LSAMP: variants seen among roughly 807,000 people sequenced by gnomAD.
The protein encoded by LSAMP is limbic system associated membrane protein, also known as limbic system-associated membrane protein.
LSAMP carries 7 observed loss-of-function variants against 38.6 expected under a neutral mutation model. The ratio of observed to expected loss-of-function variants is 0.18; its 90% CI spans 0.10 to 0.34. The LOEUF (loss-of-function observed/expected upper bound fraction) is 0.34, where lower values mean the gene tolerates loss of function less well. Among genes scored for constraint, LSAMP ranks in the 10% least tolerant of loss-of-function variants. LSAMP has a pLI of 1.00. For missense variants in LSAMP, 313 were observed against 420.0 expected, an observed-to-expected ratio of 0.75 and a Z score of 2.23; for synonymous variants, 154 against 166.8, an observed-to-expected ratio of 0.92 and a Z score of 0.59.
intron 3 of LSAMP, among the ~76,000 whole-genome samples, chr3:116,007,663 A>AACACACAC (rs71616337): frequency 1.3e-5 from 2 of 150,764 alleles, no homozygotes; most frequent in African/African-American, 4.9e-5. Flanking sequence ...TATTTTTATA[A>AACACACAC]ACACACACAC....
intron 1 of LSAMP, among the ~76,000 whole-genome samples, chr3:116,242,056 T>G (rs2046543591): frequency 6.6e-6 from 1 of 152,236 alleles, no homozygotes; most frequent in Admixed American, 6.5e-5. Flanking sequence ...CTCTCTCAAG[T>G]ATTCCGACTG....
chr3:116,034,473 T>C (rs1207467935), intron 2 of LSAMP, among the ~76,000 whole-genome samples: 1 of 151,802 alleles, frequency 6.6e-6, no homozygotes, highest in South Asian at 2.1e-4. Context: ...CCAGAGACTT[T>C]GGACATAGGG....
intron 1 of LSAMP, among the ~76,000 whole-genome samples, chr3:116,218,922 C>A (rs1347819660): frequency 3.3e-5 from 5 of 152,170 alleles, no homozygotes; most frequent in African/African-American, 1.2e-4. Context: ...AACCCAAGTA[C>A]AAAAGAACCA....
At chr3:116,085,116 C>T (rs1707959072) in intron 2 of LSAMP, among the ~76,000 whole-genome samples, 1 of 152,114 alleles carries the variant, frequency 6.6e-6, no homozygotes, top group African/African-American at 2.4e-5. Flanking sequence ...TGTAATGGAG[C>T]TTAAGTACGC....
At chr3:116,159,255 T>C (rs1559764038) in intron 1 of LSAMP, among the ~76,000 whole-genome samples, 1 of 152,028 alleles carries the variant, frequency 6.6e-6, no homozygotes, top group East Asian at 1.9e-4. Context: ...AATTGACAAA[T>C]GGGACCTAAT....
chr3:116,226,070 T>A (rs2046338755), intron 1 of LSAMP, among the ~76,000 whole-genome samples: 1 of 152,206 alleles, frequency 6.6e-6, no homozygotes, highest in South Asian at 2.1e-4. Context: ...AAATTAGTGA[T>A]GTAACTAATG....
chr3:116,270,837 A>T (rs1196873273), intron 1 of LSAMP, among the ~76,000 whole-genome samples: 1 of 152,140 alleles, frequency 6.6e-6, no homozygotes, highest in African/African-American at 2.4e-5. Flanking sequence ...AATTATATAC[A>T]ATAAGCAGTA....
Position 116,201,114 on chromosome 3 carries a change from C to T in LSAMP, c.156-114558G>A, listed in dbSNP as rs999673554. ...GGATGGGTGGGTTAGCTGTTTGATC[C>T]GCTCCCAGTCCCTCCCCGCTGTACC... is the stretch of plus-strand genomic sequence containing the variant. On this transcript the variant is annotated intron_variant, in intron 1 of 6. Coordinates refer to ENST00000490035, the MANE Select transcript of LSAMP (RefSeq NM_002338.5). Among the ~76,000 whole-genome samples the T allele has an allele frequency of 2.0e-5, 3 of 152,210 alleles. No homozygotes were observed. In the East Asian group the frequency reaches 5.8e-4, roughly 29 times the overall value.
chr3:116,445,412 T>G lies in LSAMP; in HGVS notation c.-381A>C. 1.4e-4 allele frequency: 47 copies of G among 345,496 alleles called. No individual in the cohort carries two copies. Among genetic ancestry groups the G allele is most frequent in the East Asian group, 2.4e-4 (5 of 20,776 alleles). The allele number at this position is 345,496 out of a possible 1,614,324, so 21.4% of individuals were successfully genotyped here. Reference sequence around the variant, plus strand: ...AGCTCCTTCGCTCTGTAACCCACTTTCCCAGGCTGGCGGGCGGGCGGGCGA... The same window carrying G: ...AGCTCCTTCGCTCTGTAACCCACTTGCCCAGGCTGGCGGGCGGGCGGGCGA... On this transcript the variant is annotated 5_prime_UTR_variant, in exon 1 of 7. Coordinates refer to ENST00000490035, the MANE Select transcript of LSAMP (RefSeq NM_002338.5).
chr3:116,173,222 A>G (rs899802856), intron 1 of LSAMP, among the ~76,000 whole-genome samples: 1 of 152,030 alleles, frequency 6.6e-6, no homozygotes, highest in African/African-American at 2.4e-5. Flanking sequence ...AAGTGACAAA[A>G]AAGGAGGCAG....
intron 1 of LSAMP, among the ~76,000 whole-genome samples, chr3:116,263,654 C>CCAA (rs2046858285): frequency 7.4e-6 from 1 of 135,080 alleles, no homozygotes; most frequent in African/African-American, 2.8e-5. Context: ...CAAAATTAAA[C>CCAA]CAACTTTTAT....
chr3:116,416,644 G>A (rs574939210), intron 1 of LSAMP, among the ~76,000 whole-genome samples: 54 of 152,176 alleles, frequency 3.5e-4, no homozygotes, highest in African/African-American at 1.3e-3. Context: ...TTCAAGGCCA[G>A]GACAAACCTA....
intron 1 of LSAMP, among the ~76,000 whole-genome samples, chr3:116,367,554 G>A (rs2048370836): frequency 6.7e-6 from 1 of 149,086 alleles, no homozygotes; most frequent in Non-Finnish European, 1.5e-5. Context: ...GCCCAGGCTG[G>A]AGTGCAGTGG....
At chr3:116,198,779 A>AAAAAAAAAAAC (rs1168876381) in intron 1 of LSAMP, among the ~76,000 whole-genome samples, 1 of 147,810 alleles carries the variant, frequency 6.8e-6, no homozygotes, top group East Asian at 2.0e-4. Context: ...TCAGAAAAAA[A>AAAAAAAAAAAC]AAGAAAATCA....
intron 1 of LSAMP, among the ~76,000 whole-genome samples, chr3:116,173,761 TAGAAGA>T (rs781743722): frequency 6.9e-6 from 1 of 144,826 alleles, no homozygotes; most frequent in Non-Finnish European, 1.5e-5. Context: ...ATAGAAGAAA[TAGAAGA>T]AGAGGGGAAA....
chr3:116,225,755 T>G (rs904062725), intron 1 of LSAMP, among the ~76,000 whole-genome samples: 2 of 87,662 alleles, frequency 2.3e-5, no homozygotes, highest in Non-Finnish European at 5.3e-5. Context: ...ATATTATTGT[T>G]TTTTTTTTTT....
chr3:116,105,388 A>G (rs1194444885), intron 1 of LSAMP, among the ~76,000 whole-genome samples: 1 of 152,154 alleles, frequency 6.6e-6, no homozygotes, highest in Non-Finnish European at 1.5e-5. Flanking sequence ...AAGACCACCA[A>G]ACAGGCTTTG....
In LSAMP at chr3:115,804,739, G is replaced by T. The variant is rs998540558; in HGVS notation, c.*5578C>A. On this transcript the variant is annotated 3_prime_UTR_variant, in exon 7 of 7. Transcript: ENST00000490035. ...TAACAGTTGTTCATATTGTAGGAAT[G>T]ATATATATGTCATCCTGTTACACGT... 4 of 152,068 alleles carry T rather than the reference G, an allele frequency of 2.6e-5. No individual in the cohort carries two copies. Among genetic ancestry groups the T allele is most frequent in the Non-Finnish European group, 5.9e-5 (4 of 68,012 alleles). 9.4% of individuals were successfully genotyped at this position (152,068 alleles called of 1,614,324 possible). A position where few individuals can be genotyped will look rare whatever the true frequency, so the allele number is the denominator to read the frequency against.
intron 1 of LSAMP, among the ~76,000 whole-genome samples, chr3:116,243,362 C>A (rs1409785326): frequency 6.6e-6 from 1 of 152,140 alleles, no homozygotes; most frequent in Non-Finnish European, 1.5e-5. Flanking sequence ...AAACTCCTGC[C>A]AGGAAGAGAG....
Sources: allele counts gnomAD v4.1 joint callset (sites outside exome capture counted in the v4.1 genomes callset), GRCh38; gene constraint gnomAD v4.1.1; transcripts MANE v1.5; gene names NCBI Gene and HGNC (gene_info 2026-07-23, HGNC 2026-07-21).